PLS3: variants seen among roughly 807,000 people sequenced by gnomAD.
PLS3 encodes plastin-3.
A neutral mutation model predicts 46.5 loss-of-function variants in PLS3; 11 were observed. The ratio of observed to expected loss-of-function variants is 0.24; its 90% CI spans 0.15 to 0.39. The LOEUF is 0.39. PLS3 is among the 10% of genes least tolerant of loss of function. The pLI is 1.00. For synonymous variants in PLS3, 167 were observed against 162.2 expected, an observed-to-expected ratio of 1.03 and a Z score of -0.22; for missense variants, 308 against 461.8, an observed-to-expected ratio of 0.67 and a Z score of 3.05.
At chrX:115,614,771 A>G (rs1225254278) in intron 2 of PLS3, among the ~76,000 whole-genome samples, 3 of 112,242 alleles carry the variant, frequency 2.7e-5, no homozygotes, top group South Asian at 7.4e-4. Flanking sequence ...TTATTGTTAG[A>G]TAAATAGATT....
At chrX:115,608,325 T>C (rs2074514484) in intron 1 of PLS3, among the ~76,000 whole-genome samples, 1 of 112,362 alleles carries the variant, frequency 8.9e-6, no homozygotes, top group East Asian at 2.8e-4. Context: ...ATGTAAGATC[T>C]CAAAATGTAT....
intron 1 of PLS3, among the ~76,000 whole-genome samples, chrX:115,567,740 C>G (rs1350125076): frequency 1.4e-5 from 1 of 72,725 alleles, no homozygotes; most frequent in Admixed American, 2.0e-4. Context: ...GAGTCAGGTT[C>G]TCACTCTGTC....
chrX:115,648,091 C>A, intron 15 of PLS3, 74 bp downstream of exon 15: 1 of 855,242 alleles, frequency 1.2e-6, no homozygotes, highest in Non-Finnish European at 1.7e-6. Flanking sequence ...AATTCAGGTT[C>A]TGCCATTTAA....
intron 2 of PLS3, among the ~76,000 whole-genome samples, chrX:115,619,146 T>A (rs1286896263): frequency 8.9e-6 from 1 of 112,233 alleles, no homozygotes; most frequent in Non-Finnish European, 1.9e-5. Context: ...TATTCTGATT[T>A]AGAATCAGTG....
intron 1 of PLS3, among the ~76,000 whole-genome samples, chrX:115,586,111 G>A (rs2074306407): frequency 9.3e-6 from 1 of 107,210 alleles, no homozygotes; most frequent in Admixed American, 1.0e-4. Context: ...CTCAGCCTCC[G>A]AATAGCTGGG....
chrX:115,590,885 T>C (rs899214088), intron 1 of PLS3, among the ~76,000 whole-genome samples: 5 of 110,900 alleles, frequency 4.5e-5, no homozygotes, highest in African/African-American at 1.6e-4. Context: ...CGCCTTGTAA[T>C]CCCAGCACTT....
At chrX:115,579,802 G>A (rs1286246517) in intron 1 of PLS3, among the ~76,000 whole-genome samples, 2 of 111,159 alleles carry the variant, frequency 1.8e-5, no homozygotes, top group Non-Finnish European at 1.9e-5. Context: ...GCGCAATCAC[G>A]GCTCGCTGCA....
intron 5 of PLS3, among the ~76,000 whole-genome samples, chrX:115,633,499 T>C (rs1164829423): frequency 9.0e-6 from 1 of 110,641 alleles, no homozygotes; most frequent in Non-Finnish European, 1.9e-5. Flanking sequence ...TATTTATTTA[T>C]TTTTCTTTTG....
chrX:115,643,328 A>G lies in PLS3; in HGVS notation c.1003A>G (p.Lys335Glu). 2.5e-6 allele frequency: 3 copies of G among 1,192,024 alleles called. No homozygotes were observed. Among genetic ancestry groups the G allele is most frequent in the Non-Finnish European group, 3.4e-6 (3 of 879,484 alleles). Reference protein sequence around the residue: ...MSGFNETDDLKRAESMLQQAD... With the variant: ...MSGFNETDDLERAESMLQQAD... Reference sequence around the variant, plus strand: ...GTTTCAACAGGAAACAGATGATTTGAAGAGAGCTGAGAGTATGCTTCAACA... The same window carrying G: ...GTTTCAACAGGAAACAGATGATTTGGAGAGAGCTGAGAGTATGCTTCAACA... Residue 335 changes from lysine (K) to glutamate (E), a missense_variant, in exon 10 of 16, where the codon AAG becomes GAG. Physicochemically the swap from Lys to Glu is moderately conservative, Grantham distance 56 (BLOSUM62 1). Transcript: ENST00000355899.
At chrX:115,648,077 T>C (rs781945051) in intron 15 of PLS3, 60 bp downstream of exon 15, 1 of 928,044 alleles carries the variant, frequency 1.1e-6, no homozygotes, top group East Asian at 3.1e-5. Flanking sequence ...CAGATCTGAA[T>C]TCTAATTCAG....
intron 13 of PLS3, among the ~76,000 whole-genome samples, chrX:115,647,209 T>C (rs978598043): frequency 3.6e-5 from 4 of 110,556 alleles, no homozygotes; most frequent in African/African-American, 9.9e-5. Flanking sequence ...CCAAGGAGGG[T>C]GGATCACGAG....
At chrX:115,601,985 C>T (rs1159049565) in intron 1 of PLS3, among the ~76,000 whole-genome samples, 1 of 111,817 alleles carries the variant, frequency 8.9e-6, no homozygotes, top group African/African-American at 3.3e-5. Flanking sequence ...TCTGCTGCTG[C>T]GAGTGTGTCT....
At chrX:115,623,956 A>T (rs1291544762) in intron 3 of PLS3, among the ~76,000 whole-genome samples, 2 of 112,281 alleles carry the variant, frequency 1.8e-5, no homozygotes, top group Non-Finnish European at 3.8e-5. Flanking sequence ...TCGGCCGGGC[A>T]CGGTGGCTCA....
At chrX:115,602,691 T>G (rs139118499) in intron 1 of PLS3, among the ~76,000 whole-genome samples, 1 of 111,509 alleles carries the variant, frequency 9.0e-6, no homozygotes. Context: ...ATTTCTTCCA[T>G]GTTTTGTCCC....
chrX:115,589,047 A>G (rs1361641120), intron 1 of PLS3, among the ~76,000 whole-genome samples: 1 of 111,688 alleles, frequency 9.0e-6, no homozygotes, highest in African/African-American at 3.3e-5. Flanking sequence ...TGGCAAGATC[A>G]CAGCTCACCT....
rs781803508 is a variant in PLS3 at position 115,636,320 on chromosome X, C to T, written c.749-516C>T. Among the ~76,000 whole-genome samples the T allele has an allele frequency of 7.4e-5, 8 of 108,002 alleles. No homozygotes were observed. In the East Asian group the frequency reaches 2.4e-3, roughly 32 times the overall value. 93.8% of individuals were successfully genotyped at this position (108,002 alleles called of 115,157 possible). On this transcript the variant is annotated intron_variant, in intron 7 of 15. Coordinates refer to ENST00000355899, the MANE Select transcript of PLS3 (RefSeq NM_005032.7). ...CTCCCGGGTTCACGCCATTCTCCTG[C>T]CTCAGCCTCCCAAGTAGCTGGGACT...
intron 1 of PLS3, among the ~76,000 whole-genome samples, chrX:115,593,940 G>A (rs1556633462): frequency 9.3e-6 from 1 of 107,443 alleles, no homozygotes; most frequent in African/African-American, 3.3e-5. Context: ...TTATACAGCC[G>A]TATTTATCAA....
chrX:115,597,785 A>G (rs2074403548), intron 1 of PLS3, among the ~76,000 whole-genome samples: 1 of 111,656 alleles, frequency 9.0e-6, no homozygotes, highest in Admixed American at 9.6e-5. Context: ...TCCTGATACT[A>G]TACAATCTAA....
chrX:115,583,949 T>C lies in PLS3; in HGVS notation c.-9+22689T>C, dbSNP rs2074293107. ...TTCTTTATACTTTCCACTCCACTTA[T>C]TTTCTCTCAAATGAATTTATTTTCT... On this transcript the variant is annotated intron_variant, in intron 1 of 15. Coordinates refer to ENST00000355899, the MANE Select transcript of PLS3 (RefSeq NM_005032.7). Among the ~76,000 whole-genome samples the C allele has an allele frequency of 2.7e-5, 3 of 111,181 alleles. No individual in the cohort carries two copies. The South Asian group carries it at 1.1e-3, about 42-fold the overall frequency.
Sources: allele counts gnomAD v4.1 joint callset (sites outside exome capture counted in the v4.1 genomes callset), GRCh38; gene constraint gnomAD v4.1.1; transcripts MANE v1.5; gene names NCBI Gene and HGNC (gene_info 2026-07-23, HGNC 2026-07-21).